The following MIPOL1 variants were observed in gnomAD, a reference collection of about 807,000 sequenced individuals.
MIPOL1 encodes mirror-image polydactyly 1.
Under a neutral mutation model 60.9 loss-of-function variants are expected in MIPOL1, and 57 were observed. The ratio of observed to expected loss-of-function variants is 0.94; its 90% CI spans 0.76 to 1.17. The LOEUF is 1.17. MIPOL1 is among the 50% of genes most tolerant of loss of function. The pLI, the probability that MIPOL1 is intolerant of heterozygous loss-of-function variation, is 0.00. For missense variants in MIPOL1, 551 were observed against 511.6 expected (o/e 1.08, Z -0.74); for synonymous variants, 179 against 168.8 (o/e 1.06, Z -0.47).
At chr14:37,313,182 G>A (rs1009514736) in intron 9 of MIPOL1, among the ~76,000 whole-genome samples, 6 of 152,066 alleles carry the variant, frequency 3.9e-5, no homozygotes, top group African/African-American at 1.4e-4. Context: ...TATCAGTAAT[G>A]TCCTAAGTCA....
At chr14:37,414,015 T>C (rs2093722705) in intron 10 of MIPOL1, among the ~76,000 whole-genome samples, 1 of 152,194 alleles carries the variant, frequency 6.6e-6, no homozygotes, top group South Asian at 2.1e-4. Flanking sequence ...AGGTTTAACA[T>C]CAATTGATTT....
intron 3 of MIPOL1, among the ~76,000 whole-genome samples, chr14:37,254,499 A>G (rs990760890): frequency 2.0e-5 from 3 of 151,752 alleles, no homozygotes; most frequent in African/African-American, 4.8e-5. Context: ...TTTTAGATTT[A>G]CAGTAAAATT....
rs1321000490 is a variant in MIPOL1, at chr14:37,547,593, T to C, written c.*622T>C. 6.6e-6 allele frequency: 1 copy of C among 152,610 alleles called. No homozygotes were observed. Among genetic ancestry groups the C allele is most frequent in the Non-Finnish European group, 1.5e-5 (1 of 68,026 alleles). 9.5% of individuals were successfully genotyped at this position (152,610 alleles called of 1,614,324 possible). ...TAAAATTACATTCATCAAGGCATGA[T>C]TTTTGTTTCACTACAAATAATGCAA... On this transcript the variant is annotated 3_prime_UTR_variant, in exon 13 of 13. Coordinates refer to ENST00000684589, the MANE Select transcript of MIPOL1 (RefSeq NM_001388067.1).
chr14:37,221,686 C>T (rs1968790131), intron 1 of MIPOL1, among the ~76,000 whole-genome samples: 1 of 152,138 alleles, frequency 6.6e-6, no homozygotes, highest in African/African-American at 2.4e-5. Context: ...TGAGAACTCT[C>T]TCTCATGAGA....
chr14:37,245,056 A>T (rs1972972783), intron 1 of MIPOL1, among the ~76,000 whole-genome samples: 1 of 152,192 alleles, frequency 6.6e-6, no homozygotes, highest in Non-Finnish European at 1.5e-5. Flanking sequence ...TCTGAGCTAT[A>T]GGATTCACAG....
intron 9 of MIPOL1, among the ~76,000 whole-genome samples, chr14:37,320,232 C>A (rs180833187): frequency 1.9e-4 from 29 of 152,126 alleles, no homozygotes; most frequent in Admixed American, 5.2e-4. Flanking sequence ...TTAGGTAATG[C>A]CAAATGTTTT....
intron 6 of MIPOL1, among the ~76,000 whole-genome samples, chr14:37,279,521 CAG>C (rs1270056696): frequency 1.3e-5 from 2 of 151,916 alleles, no homozygotes; most frequent in Non-Finnish European, 2.9e-5. Flanking sequence ...ATTCCAGAAT[CAG>C]GATTTTTTAT....
chr14:37,396,512 G>A (rs1018399441), intron 10 of MIPOL1, among the ~76,000 whole-genome samples: 2 of 152,104 alleles, frequency 1.3e-5, no homozygotes, highest in Non-Finnish European at 2.9e-5. Flanking sequence ...GTATTTGGAT[G>A]TGTAGGTCTC....
chr14:37,214,916 C>A (rs1399074323), intron 1 of MIPOL1, among the ~76,000 whole-genome samples: 1 of 151,984 alleles, frequency 6.6e-6, no homozygotes, highest in Non-Finnish European at 1.5e-5. Context: ...GAAGACTACT[C>A]CACCATCTCT....
intron 11 of MIPOL1, among the ~76,000 whole-genome samples, chr14:37,476,941 C>T (rs2094785549): frequency 7.0e-6 from 1 of 142,070 alleles, no homozygotes; most frequent in Non-Finnish European, 1.5e-5. Flanking sequence ...TTCTCTGTCA[C>T]CCAGGCTGGA....
intron 12 of MIPOL1, among the ~76,000 whole-genome samples, chr14:37,529,820 G>A (rs545182691): frequency 5.9e-5 from 9 of 151,956 alleles, no homozygotes; most frequent in Middle Eastern, 3.4e-3. Context: ...TGGCAGGAGC[G>A]GAGGCTCCTG....
rs1008479957 is a variant in MIPOL1, at chr14:37,208,766, G to A, written c.-199+10662G>A. Among the ~76,000 whole-genome samples the A allele has an allele frequency of 3.3e-5, 5 of 152,150 alleles. No homozygotes were observed. In the East Asian group the frequency reaches 9.7e-4, roughly 29 times the overall value. On this transcript the variant is annotated intron_variant, in intron 1 of 12. Coordinates refer to ENST00000684589, the MANE Select transcript of MIPOL1 (RefSeq NM_001388067.1). ...ATTCCACCATGCCCGGCTAATTTTT[G>A]TATTAGTAGAGATGGGGATTCACCA...
chr14:37,304,524 T>G (rs2086624639), intron 7 of MIPOL1, among the ~76,000 whole-genome samples: 1 of 151,604 alleles, frequency 6.6e-6, no homozygotes, highest in Non-Finnish European at 1.5e-5. Context: ...GTGTAGAAAA[T>G]GAGAGAGAAT....
chr14:37,528,062 A>G (rs1052499931), intron 12 of MIPOL1, among the ~76,000 whole-genome samples: 6 of 152,070 alleles, frequency 3.9e-5, no homozygotes, highest in Non-Finnish European at 8.8e-5. Context: ...AAGAAATATT[A>G]ATATCTTTTT....
At position 37,354,947 on chromosome 14, in the gene MIPOL1, A is replaced by T. The variant is rs867308622; in HGVS notation, c.829-14570A>T. On this transcript the variant is annotated intron_variant, in intron 9 of 12. Transcript: ENST00000684589. ...TGTTATGTGTGAATTTCATCCTGTC[A>T]TTATGATGTTAGCTGGTTATTTTGC... Among the ~76,000 whole-genome samples the T allele has an allele frequency of 4.5e-5, 2 of 44,384 alleles. 1 individual carries two copies. Among genetic ancestry groups the T allele is most frequent in the African/African-American group, 1.5e-4 (2 of 13,398 alleles). 29.1% of individuals were successfully genotyped at this position (44,384 alleles called of 152,430 possible). A position where few individuals can be genotyped will look rare whatever the true frequency, so the allele number is the denominator to read the frequency against.
intron 10 of MIPOL1, among the ~76,000 whole-genome samples, chr14:37,405,900 G>A (rs1406240298): frequency 7.1e-6 from 1 of 140,668 alleles, no homozygotes; most frequent in Non-Finnish European, 1.6e-5. Context: ...TTTTTTAAGA[G>A]TTTTTTTTTT....
At chr14:37,431,370 T>G (rs2094060730) in intron 11 of MIPOL1, among the ~76,000 whole-genome samples, 1 of 152,028 alleles carries the variant, frequency 6.6e-6, no homozygotes, top group South Asian at 2.1e-4. Flanking sequence ...CCTGAATAAT[T>G]TCATGCCCAA....
chr14:37,429,515 T>A (rs1315278257), intron 11 of MIPOL1, among the ~76,000 whole-genome samples: 1 of 152,118 alleles, frequency 6.6e-6, no homozygotes, highest in Non-Finnish European at 1.5e-5. Flanking sequence ...TAAGGTAATT[T>A]GTTTCCTGTG....
intron 3 of MIPOL1, among the ~76,000 whole-genome samples, chr14:37,256,541 T>G (rs1441679881): frequency 6.6e-6 from 1 of 151,990 alleles, no homozygotes; most frequent in African/African-American, 2.4e-5. Flanking sequence ...TTTACTCAAT[T>G]GCTTTTAAGA....
Sources: gnomAD v4.1 joint callset for allele counts (sites outside exome capture counted in the v4.1 genomes callset) on GRCh38, gnomAD v4.1.1 for gene constraint, MANE v1.5 for transcripts, NCBI Gene and HGNC (gene_info 2026-07-23, HGNC 2026-07-21) for gene names.